Variants in UTS2 observed in about 807,000 individuals in gnomAD.
The protein encoded by UTS2 is urotensin 2, also known as urotensin-2.
Under a neutral mutation model 12.6 loss-of-function variants are expected in UTS2, and 10 were observed. The ratio of observed to expected loss-of-function variants is 0.80; its 90% CI spans 0.49 to 1.35. UTS2 has a LOEUF of 1.35. Among genes scored for constraint, UTS2 ranks in the 40% most tolerant of loss-of-function variants. UTS2 has a pLI of 0.00. For synonymous variants in UTS2, 52 were observed against 50.0 expected (o/e 1.04, Z -0.17); for missense variants, 142 against 143.2 (o/e 0.99, Z 0.04).
the UTS2 span, among the ~76,000 whole-genome samples, chr1:7,859,038 G>A: frequency 5.3e-5 from 8 of 152,312 alleles, no homozygotes; most frequent in African/African-American, 1.7e-4. Flanking sequence ...TGAGGAATAT[G>A]TTTGTGTGTG....
chr1:7,898,401 C>A, the UTS2 span, among the ~76,000 whole-genome samples: 1 of 152,074 alleles, frequency 6.6e-6, no homozygotes, highest in Non-Finnish European at 1.5e-5. Context: ...GCAGAGTACC[C>A]TCAAGATGGA....
chr1:7,876,303 A>G, the UTS2 span, among the ~76,000 whole-genome samples: 1 of 152,088 alleles, frequency 6.6e-6, no homozygotes, highest in Non-Finnish European at 1.5e-5. Context: ...TACCACCAGC[A>G]CCCACACACA....
chr1:7,903,795 C>G, the UTS2 span, among the ~76,000 whole-genome samples: 79 of 152,188 alleles, frequency 5.2e-4, no homozygotes, highest in African/African-American at 1.7e-3. Flanking sequence ...TCAGGCTTAG[C>G]AATAGCAAGA....
At chr1:7,886,153 C>G in the UTS2 span, among the ~76,000 whole-genome samples, 1 of 152,008 alleles carries the variant, frequency 6.6e-6, no homozygotes, top group African/African-American at 2.4e-5. Flanking sequence ...CAAATTGCTC[C>G]CTGCCCACTC....
At chr1:7,889,489 G>GAAAATAGA in the UTS2 span, among the ~76,000 whole-genome samples, 13 of 133,134 alleles carry the variant, frequency 9.8e-5, no homozygotes, top group African/African-American at 3.5e-4. Flanking sequence ...GAAAAGAAAA[G>GAAAATAGA]AAAGTAGAAT....
Position 7,850,874 on chromosome 1 carries a change from G to A in UTS2, c.152C>T (p.Ser51Phe), listed in dbSNP as rs141389663. 210 of 1,614,170 alleles carry A rather than the reference G, an allele frequency of 1.3e-4. No individual in the cohort carries two copies. The African/African-American group carries it at 2.6e-3, about 20-fold the overall frequency. The change falls in exon 2 of 4, where the codon TCC becomes TTC. Residue 51 changes from serine to phenylalanine, a missense_variant. By Grantham distance (155) the Ser-to-Phe change is radical. Transcript: ENST00000361696. ...CATCTCTGGCAGTATCTGTAGAAGG[G>A]AAGCTCTTTCTAGCTCCTCCGGAGT... ...RLTPEELERA[S>F]LLQILPEMLG...
chr1:7,850,261 C>T (rs913631371), intron 2 of UTS2, among the ~76,000 whole-genome samples: 2 of 152,128 alleles, frequency 1.3e-5, no homozygotes, highest in African/African-American at 4.8e-5. Context: ...TGAGCCACCG[C>T]ACCCAGCAAA....
rs760619372 is a variant in UTS2, at chr1:7,849,697, T to C, written c.215-14A>G. 6.2e-7 allele frequency: 1 copy of C among 1,605,872 alleles called. No individual in the cohort carries two copies. The highest frequency in any genetic ancestry group is 8.5e-7 in the Non-Finnish European group (1 of 1,177,528). On this transcript the variant is annotated splice_polypyrimidine_tract_variant and intron_variant, in intron 2 of 3. Transcript: ENST00000361696. Reference sequence around the variant, plus strand: ...TGGTACTTGAGTCTGAAAAACAGTTTTGAAGCCAGTTCATCAGATCTGTTG... The same window carrying C: ...TGGTACTTGAGTCTGAAAAACAGTTCTGAAGCCAGTTCATCAGATCTGTTG...
At chr1:7,898,170 A>T in the UTS2 span, among the ~76,000 whole-genome samples, 1 of 152,228 alleles carries the variant, frequency 6.6e-6, no homozygotes, top group Non-Finnish European at 1.5e-5. Context: ...TCTTGTCATA[A>T]GTTACTGTCT....
the UTS2 span, among the ~76,000 whole-genome samples, chr1:7,894,388 C>T: frequency 1.3e-5 from 2 of 151,842 alleles, no homozygotes; most frequent in South Asian, 2.1e-4. Context: ...TGCCCAGGCT[C>T]GTCTCAGACT....
At chr1:7,903,943 G>A in the UTS2 span, among the ~76,000 whole-genome samples, 1 of 152,154 alleles carries the variant, frequency 6.6e-6, no homozygotes, top group Non-Finnish European at 1.5e-5. Flanking sequence ...CGAACTTCAT[G>A]TGTTTTATTA....
the UTS2 span, among the ~76,000 whole-genome samples, chr1:7,875,320 C>T: frequency 8.5e-5 from 13 of 152,148 alleles, no homozygotes; most frequent in East Asian, 1.9e-4. Flanking sequence ...GTGATCCACC[C>T]GCCTCGGCCT....
At chr1:7,876,244 C>T in the UTS2 span, among the ~76,000 whole-genome samples, 4 of 152,208 alleles carry the variant, frequency 2.6e-5, no homozygotes, top group Non-Finnish European at 5.9e-5. Flanking sequence ...CTGCCACCAG[C>T]ATGTGCTTAC....
chr1:7,888,738 A>G, the UTS2 span, among the ~76,000 whole-genome samples: 1 of 152,242 alleles, frequency 6.6e-6, no homozygotes, highest in Admixed American at 6.5e-5. Context: ...GATGGAAACC[A>G]TCACTTAGAT....
the UTS2 span, among the ~76,000 whole-genome samples, chr1:7,866,383 T>C: frequency 6.6e-6 from 1 of 152,238 alleles, no homozygotes; most frequent in South Asian, 2.1e-4. The surrounding 1 kb of genome is among the most constrained non-coding windows in gnomAD (Gnocchi z 4.5). Flanking sequence ...CGTGGAGAGC[T>C]ATGAAACAGC....
chr1:7,851,099 G>A (rs188767719), intron 1 of UTS2, among the ~76,000 whole-genome samples, 177 bp from the exon 2 acceptor site: 48 of 152,312 alleles, frequency 3.2e-4, no homozygotes, highest in Admixed American at 2.5e-3. Context: ...CTACCAGCCC[G>A]TGTGCCAGCC....
Position 7,847,622 on chromosome 1 carries a change from A to C in UTS2, c.*144T>G. The C allele has an allele frequency of 4.4e-6, 3 of 675,198 alleles. No homozygotes were observed. Among genetic ancestry groups the C allele is most frequent in the Non-Finnish European group, 7.8e-6 (3 of 386,562 alleles). 41.8% of individuals were successfully genotyped at this position (675,198 alleles called of 1,614,324 possible). A position where few individuals can be genotyped will look rare whatever the true frequency, so the allele number is the denominator to read the frequency against. On this transcript the variant is annotated 3_prime_UTR_variant, in exon 4 of 4. Transcript: ENST00000361696. Reference sequence around the variant, plus strand: ...TAACCACTCATGATATGTGCAAAACATAGAGGATTTATTTTCCAGGTAACA... The same window carrying C: ...TAACCACTCATGATATGTGCAAAACCTAGAGGATTTATTTTCCAGGTAACA...
At chr1:7,854,334 A>G (rs554005774), upstream of UTS2, among the ~76,000 whole-genome samples, 2 of 131,976 alleles carry the variant, frequency 1.5e-5, no homozygotes, top group African/African-American at 5.6e-5. Flanking sequence ...ACAGAGCGAG[A>G]CTCTGTCTAA....
chr1:7,912,048 C>A, the UTS2 span, among the ~76,000 whole-genome samples: 1 of 152,130 alleles, frequency 6.6e-6, no homozygotes, highest in African/African-American at 2.4e-5. Context: ...GGTCAAATAC[C>A]ATCTTATCTC....
Sources: allele counts gnomAD v4.1 joint callset (sites outside exome capture counted in the v4.1 genomes callset), GRCh38; gene constraint gnomAD v4.1.1; non-coding constraint Gnocchi (gnomAD v3.1); transcripts MANE v1.5; gene names NCBI Gene and HGNC (gene_info 2026-07-23, HGNC 2026-07-21).